The following PPARGC1B variants were observed in gnomAD, a reference collection of about 807,000 sequenced individuals.
The protein encoded by PPARGC1B is peroxisome proliferator-activated receptor gamma coactivator 1-beta.
A neutral mutation model predicts 101.6 loss-of-function variants in PPARGC1B; 34 were observed. The ratio of observed to expected loss-of-function variants is 0.33; its 90% CI spans 0.25 to 0.45. PPARGC1B has a LOEUF of 0.45. Among genes scored for constraint, PPARGC1B ranks in the 20% least tolerant of loss-of-function variants. PPARGC1B has a pLI of 1.00. For synonymous variants in PPARGC1B, 548 were observed against 539.3 expected (o/e 1.02, Z -0.22); for missense variants, 1,234 against 1,317.6 (o/e 0.94, Z 0.98).
intron 3 of PPARGC1B, among the ~76,000 whole-genome samples, chr5:149,827,354 G>A (rs549132446): frequency 1.6e-4 from 25 of 152,248 alleles, no homozygotes; most frequent in African/African-American, 5.3e-4. Flanking sequence ...ACTACAAAAG[G>A]GAGTCTACAT....
intron 1 of PPARGC1B, among the ~76,000 whole-genome samples, chr5:149,739,055 G>T (rs562902867): frequency 2.7e-4 from 41 of 152,338 alleles, no homozygotes; most frequent in Non-Finnish European, 4.6e-4. Flanking sequence ...CAGTGTGGTT[G>T]CCTAGAAGAG....
At chr5:149,749,539 A>C (rs1755212130) in intron 1 of PPARGC1B, among the ~76,000 whole-genome samples, 1 of 152,206 alleles carries the variant, frequency 6.6e-6, no homozygotes. Flanking sequence ...CGGAATTGCC[A>C]CATCTCGCCA....
At position 149,800,141 on chromosome 5, in the gene PPARGC1B, A is replaced by G. The variant is rs115254101; in HGVS notation, c.79-20292A>G. Among the ~76,000 whole-genome samples the G allele has an allele frequency of 2.5e-3, 377 of 152,304 alleles. 3 individuals carry two copies. Among genetic ancestry groups the G allele is most frequent in the Middle Eastern group, 0.014 (4 of 294 alleles). On this transcript the variant is annotated intron_variant, in intron 1 of 11. Transcript: ENST00000309241. ...CCAACTCCTTATTCCTATTTCCTCC[A>G]ACTCCTACTATTCTTGTGTGTCCTT...
At chr5:149,735,093 C>T (rs1238162904) in intron 1 of PPARGC1B, among the ~76,000 whole-genome samples, 3 of 152,188 alleles carry the variant, frequency 2.0e-5, no homozygotes, top group African/African-American at 7.2e-5. Flanking sequence ...AAGATTGAAG[C>T]ATAGCCTTCA....
At chr5:149,839,391 C>T (rs1468723185) in intron 8 of PPARGC1B, among the ~76,000 whole-genome samples, 1 of 152,196 alleles carries the variant, frequency 6.6e-6, no homozygotes, top group East Asian at 1.9e-4. Flanking sequence ...GTCAGTGACT[C>T]AGACTGGATG....
intron 3 of PPARGC1B, among the ~76,000 whole-genome samples, chr5:149,829,191 C>T (rs571419330): frequency 6.6e-6 from 1 of 152,276 alleles, no homozygotes; most frequent in East Asian, 1.9e-4. Flanking sequence ...TTTCTGAGGT[C>T]AGCAACTTCT....
intron 1 of PPARGC1B, among the ~76,000 whole-genome samples, chr5:149,813,836 C>T (rs940513163): frequency 2.0e-5 from 3 of 152,174 alleles, no homozygotes; most frequent in African/African-American, 7.2e-5. Context: ...GATTTTGTAT[C>T]TGGTGAGGAC....
chr5:149,822,987 G>GA (rs1238954155), intron 2 of PPARGC1B, among the ~76,000 whole-genome samples: 15 of 152,278 alleles, frequency 9.9e-5, no homozygotes, highest in African/African-American at 3.6e-4. Context: ...CATTGTTATG[G>GA]AAACAAACTG....
chr5:149,797,440 C>A (rs989232260), intron 1 of PPARGC1B, among the ~76,000 whole-genome samples: 1 of 152,150 alleles, frequency 6.6e-6, no homozygotes, highest in Non-Finnish European at 1.5e-5. Context: ...CACAGTTGTT[C>A]AAGATATCTA....
In PPARGC1B at chr5:149,837,359, C is replaced by T. The variant is rs1018224983; in HGVS notation, c.2618+286C>T. 6.6e-6 allele frequency among the ~76,000 whole-genome samples: 1 copy of T among 152,210 alleles called. No homozygotes were observed. The highest frequency in any genetic ancestry group is 1.5e-5 in the Non-Finnish European group (1 of 68,038). On this transcript the variant is annotated intron_variant, in intron 8 of 11. Coordinates refer to ENST00000309241, the MANE Select transcript of PPARGC1B (RefSeq NM_133263.4). The surrounding 1 kb of genome is among the most constrained non-coding windows in gnomAD (Gnocchi z 4.2). ...CCACTCCTGGCTATTTGTGGGCTTA[C>T]GTCTATAAAGGAACTTGTCCCTTAT...
intron 10 of PPARGC1B, among the ~76,000 whole-genome samples, chr5:149,845,095 C>T (rs1407602841): frequency 6.6e-6 from 1 of 152,138 alleles, no homozygotes; most frequent in East Asian, 1.9e-4. Context: ...CGTGGCTTGC[C>T]CTGGCACCCT....
In PPARGC1B at chr5:149,852,038, G is replaced by C. The variant is rs976421705; in HGVS notation, c.*4480G>C. On this transcript the variant is annotated 3_prime_UTR_variant, in exon 12 of 12. Transcript: ENST00000309241. ...AATGGGGCTGCTGTCAGGTAGGAGAGAGCAGAGATGCCTTTGGAGATGTCA... is the reference window on the plus strand; with the variant it reads ...AATGGGGCTGCTGTCAGGTAGGAGACAGCAGAGATGCCTTTGGAGATGTCA... 4 of 152,326 alleles carry C rather than the reference G, an allele frequency of 2.6e-5. No individual in the cohort carries two copies. The highest frequency in any genetic ancestry group is 9.6e-5 in the African/African-American group (4 of 41,474). 9.4% of individuals were successfully genotyped at this position (152,326 alleles called of 1,614,324 possible). A position where few individuals can be genotyped will look rare whatever the true frequency, so the allele number is the denominator to read the frequency against.
chr5:149,762,418 G>A (rs1214058812), intron 1 of PPARGC1B, among the ~76,000 whole-genome samples: 1 of 152,118 alleles, frequency 6.6e-6, no homozygotes, highest in Non-Finnish European at 1.5e-5. Context: ...AAAGTGCTGG[G>A]ATTACAGGCA....
chr5:149,826,500 G>A (rs981253674), intron 2 of PPARGC1B, among the ~76,000 whole-genome samples, 173 bp from the exon 3 acceptor site: 1 of 152,190 alleles, frequency 6.6e-6, no homozygotes, highest in Non-Finnish European at 1.5e-5. Flanking sequence ...CATCTGCTAT[G>A]CCAGGAATAC....
intron 1 of PPARGC1B, among the ~76,000 whole-genome samples, chr5:149,819,316 T>A (rs1006548755): frequency 2.6e-5 from 4 of 152,214 alleles, no homozygotes; most frequent in African/African-American, 9.7e-5. Flanking sequence ...CTATCCTACA[T>A]AGAGAAATAT....
chr5:149,795,053 TCA>T (rs1757160719), intron 1 of PPARGC1B, among the ~76,000 whole-genome samples: 1 of 152,252 alleles, frequency 6.6e-6, no homozygotes, highest in Non-Finnish European at 1.5e-5. Flanking sequence ...ACTCTGGGCC[TCA>T]GTTTCCTTCC....
Position 149,730,546 on chromosome 5 carries a change from AG to A in PPARGC1B, c.78+127del. ...GGTAACTGGGGGTTCCAGGCTGCAG[AG>A]CCCCCCTTCCAGGCGCCCTGCGATG... is the stretch of plus-strand genomic sequence containing the variant. On this transcript the variant is annotated intron_variant, in intron 1 of 11. Coordinates refer to ENST00000309241, the MANE Select transcript of PPARGC1B (RefSeq NM_133263.4). This position sits in a 1 kb window ranked among gnomAD's most constrained non-coding sequence, Gnocchi z 4.0. The A allele has an allele frequency of 2.9e-6, 2 of 682,936 alleles. No individual in the cohort carries two copies. The highest frequency in any genetic ancestry group is 2.3e-6 in the Non-Finnish European group (1 of 435,528). The allele number at this position is 682,936 out of a possible 1,614,324, so 42.3% of individuals were successfully genotyped here. A position where few individuals can be genotyped will look rare whatever the true frequency, so the allele number is the denominator to read the frequency against.
At chr5:149,825,706 A>G (rs1758489517) in intron 2 of PPARGC1B, among the ~76,000 whole-genome samples, 1 of 152,166 alleles carries the variant, frequency 6.6e-6, no homozygotes, top group African/African-American at 2.4e-5. Context: ...GGAGCGGGGC[A>G]TGTCATTCTC....
intron 1 of PPARGC1B, among the ~76,000 whole-genome samples, chr5:149,799,128 A>C (rs915392401): frequency 5.9e-5 from 9 of 152,082 alleles, no homozygotes; most frequent in African/African-American, 2.2e-4. Context: ...CTCACCTCTC[A>C]TCCCTGTCTG....
Sources: gnomAD v4.1 joint callset for allele counts (sites outside exome capture counted in the v4.1 genomes callset) on GRCh38, gnomAD v4.1.1 for gene constraint, Gnocchi (gnomAD v3.1) non-coding constraint, MANE v1.5 for transcripts, NCBI Gene and HGNC (gene_info 2026-07-23, HGNC 2026-07-21) for gene names.